The following OR51B5 variants were observed in gnomAD, a reference collection of about 807,000 sequenced individuals.
The protein encoded by OR51B5 is olfactory receptor family 51 subfamily B member 5, also known as olfactory receptor 51B5.
For missense variants in OR51B5, 456 were observed against 374.6 expected, an observed-to-expected ratio of 1.22 and a Z score of -1.79; for synonymous variants, 186 against 144.8, an observed-to-expected ratio of 1.28 and a Z score of -2.04.
At chr11:5,412,807 G>T (rs1295987292) in intron 1 of OR51B5, among the ~76,000 whole-genome samples, 1 of 152,038 alleles carries the variant, frequency 6.6e-6, no homozygotes, top group Non-Finnish European at 1.5e-5. Context: ...ACTGGGTGGA[G>T]CCCACCACAG....
At chr11:5,356,462 A>C (rs1849196820) in intron 1 of OR51B5, among the ~76,000 whole-genome samples, 1 of 148,878 alleles carries the variant, frequency 6.7e-6, no homozygotes, top group Admixed American at 6.7e-5. Context: ...GCCTCCAAGA[A>C]ATATGGGACT....
chr11:5,468,766 G>A (rs1375790180), intron 1 of OR51B5: 20 of 456,408 alleles, frequency 4.4e-5, no homozygotes, highest in Non-Finnish European at 7.9e-5. Context: ...GCACATAGGA[G>A]AGGAGGATGA....
intron 1 of OR51B5, among the ~76,000 whole-genome samples, chr11:5,439,094 C>T (rs1302848233): frequency 6.9e-6 from 1 of 143,906 alleles, no homozygotes; most frequent in East Asian, 2.2e-4. Flanking sequence ...TTCTCTCTCT[C>T]TCGTCCTCTC....
At chr11:5,365,438 G>A (rs10500635) in intron 1 of OR51B5, among the ~76,000 whole-genome samples, 40,819 of 152,142 alleles carry the variant, frequency 0.27, 5,746 homozygotes, top group African/African-American at 0.32. Context: ...AATCGCTGTG[G>A]AGAGATGCAT....
In OR51B5 at chr11:5,473,789, T is replaced by C. The variant is rs74833203; in HGVS notation, n.84+31780A>G. 3.1e-3 allele frequency among the ~76,000 whole-genome samples: 465 copies of C among 152,242 alleles called. 4 individuals are homozygous for C. Among genetic ancestry groups the C allele is most frequent in the African/African-American group, 0.01 (426 of 41,540 alleles). On this transcript the variant is annotated intron_variant and non_coding_transcript_variant, in intron 1 of 4. Transcript: ENST00000415970. ...TTCCTCATGAAAAACTAGAACTTCATTGGAAATTTTACAACTGTTTTAAAT... is the reference window on the plus strand; with the variant it reads ...TTCCTCATGAAAAACTAGAACTTCACTGGAAATTTTACAACTGTTTTAAAT...
At chr11:5,494,941 T>C (rs1478915154) in intron 1 of OR51B5, among the ~76,000 whole-genome samples, 1 of 152,192 alleles carries the variant, frequency 6.6e-6, no homozygotes, top group Non-Finnish European at 1.5e-5. Flanking sequence ...GCAGGTGATA[T>C]GGACAACTCC....
At position 5,440,168 on chromosome 11, in the gene OR51B5, C is replaced by T. The variant is rs117670063; in HGVS notation, n.84+65401G>A. ...TACAAAGCCTCCATATATTTTGTCT[C>T]TCTTTAATATTTATTATCTCCTTCA... On this transcript the variant is annotated intron_variant and non_coding_transcript_variant, in intron 1 of 4. Transcript: ENST00000415970. 2.0e-3 allele frequency among the ~76,000 whole-genome samples: 309 copies of T among 152,286 alleles called. 1 individual carries two copies. The highest frequency in any genetic ancestry group is 3.5e-3 in the Non-Finnish European group (235 of 68,006).
chr11:5,361,580 T>C (rs953466865), intron 1 of OR51B5, among the ~76,000 whole-genome samples: 6 of 152,150 alleles, frequency 3.9e-5, no homozygotes, highest in Non-Finnish European at 7.3e-5. Flanking sequence ...TTATCAGAGA[T>C]TGCAGAGAGG....
At chr11:5,466,667 A>T (rs555982771) in intron 1 of OR51B5, among the ~76,000 whole-genome samples, 17 of 152,374 alleles carry the variant, frequency 1.1e-4, no homozygotes, top group Admixed American at 3.9e-4. Flanking sequence ...TATATAAGTA[A>T]GTATAGCTTT....
chr11:5,457,596 G>A (rs1850978822), intron 1 of OR51B5, among the ~76,000 whole-genome samples: 2 of 152,168 alleles, frequency 1.3e-5, no homozygotes, highest in Non-Finnish European at 2.9e-5. Context: ...CAGAGTATAA[G>A]TGTTCCATTT....
exon 1 of OR51B5, chr11:5,343,471 C>G (rs376277471): frequency 2.6e-6 from 4 of 1,532,186 alleles, no homozygotes; most frequent in Non-Finnish European, 3.6e-6. Context: ...GAGCTTCCTC[C>G]AAGCCTGGAA....
In OR51B5 at chr11:5,352,304, T is replaced by G; in HGVS notation, n.85-5394A>C. The G allele has an allele frequency of 5.6e-6, 9 of 1,614,194 alleles. No individual in the cohort carries two copies. The highest frequency in any genetic ancestry group is 7.6e-6 in the Non-Finnish European group (9 of 1,179,982). On this transcript the variant is annotated intron_variant and non_coding_transcript_variant, in intron 1 of 4. Coordinates refer to the OR51B5 transcript ENST00000415970. Reference sequence around the variant, plus strand: ...TTTATTCATAGGTTTGGAAAGCATGTTCCTCATGTCGTTCACATCACAATG... The same window carrying G: ...TTTATTCATAGGTTTGGAAAGCATGGTCCTCATGTCGTTCACATCACAATG...
intron 1 of OR51B5, chr11:5,488,990 T>C: frequency 5.6e-6 from 9 of 1,614,072 alleles, no homozygotes; most frequent in South Asian, 1.1e-5. Flanking sequence ...GCTGGTGAGA[T>C]TTCCTTTGGT....
intron 1 of OR51B5, among the ~76,000 whole-genome samples, chr11:5,480,814 G>A (rs1040285565): frequency 3.8e-5 from 5 of 130,672 alleles, no homozygotes; most frequent in African/African-American, 5.5e-5. Context: ...CCAGGAAGAA[G>A]TTGAATCTCT....
chr11:5,469,079 C>T, intron 1 of OR51B5: 1 of 244,000 alleles, frequency 4.1e-6, no homozygotes, highest in South Asian at 4.8e-5. Flanking sequence ...CAGTAGGATG[C>T]CAAACTCTGT....
At chr11:5,348,377 C>T (rs923482966), upstream of OR51B5, among the ~76,000 whole-genome samples, 2 of 152,084 alleles carry the variant, frequency 1.3e-5, no homozygotes, top group Admixed American at 6.6e-5. Flanking sequence ...CTGCCCCCAA[C>T]CCCATGTCTT....
At chr11:5,382,692 A>T (rs568720138) in intron 1 of OR51B5, among the ~76,000 whole-genome samples, 3 of 152,152 alleles carry the variant, frequency 2.0e-5, no homozygotes, top group Non-Finnish European at 4.4e-5. Flanking sequence ...AACCTTCCTC[A>T]TAACTACAAT....
chr11:5,501,009 T>G (rs982918379), intron 1 of OR51B5, among the ~76,000 whole-genome samples: 1 of 148,226 alleles, frequency 6.7e-6, no homozygotes, highest in Non-Finnish European at 1.5e-5. Flanking sequence ...TGGGAAGAAG[T>G]TATAATGAAT....
chr11:5,468,382 T>C (rs1851169843), intron 1 of OR51B5: 1 of 271,164 alleles, frequency 3.7e-6, no homozygotes, highest in Non-Finnish European at 7.2e-6. Flanking sequence ...ATTATAGGTG[T>C]ACGTCTGGAG....
Sources: gnomAD v4.1 joint callset for allele counts (sites outside exome capture counted in the v4.1 genomes callset) on GRCh38, gnomAD v4.1.1 for gene constraint, MANE v1.5 for transcripts, NCBI Gene and HGNC (gene_info 2026-07-23, HGNC 2026-07-21) for gene names.